Variants in MCM9 observed in about 807,000 individuals in gnomAD.
The protein encoded by MCM9 is DNA helicase MCM9.
In MCM9, 55 loss-of-function variants were observed where a neutral mutation model predicts 72.8. That is an observed-to-expected ratio of 0.76 (90% CI 0.61 to 0.95). MCM9 has a LOEUF of 0.95. Among genes scored for constraint, MCM9 ranks in the 40% least tolerant of loss-of-function variants. The pLI, the probability that MCM9 is intolerant of heterozygous loss-of-function variation, is 0.00. For synonymous variants in MCM9, 480 were observed against 503.4 expected (o/e 0.95, Z 0.62); for missense variants, 1,279 against 1,377.0 (o/e 0.93, Z 1.13).
Position 118,931,707 on chromosome 6 carries a change from A to C in MCM9, c.17T>G (p.Val6Gly). The C allele has an allele frequency of 6.2e-7, 1 of 1,611,584 alleles. No individual in the cohort carries two copies. Among genetic ancestry groups the C allele is most frequent in the Non-Finnish European group, 8.5e-7 (1 of 1,178,148 alleles). Reference sequence around the variant, plus strand: ...CTCAAACACTTGACCAACCAGTGTAACTTGATCGCTATTCATCTTGAATCT... The same window carrying C: ...CTCAAACACTTGACCAACCAGTGTACCTTGATCGCTATTCATCTTGAATCT... The part of the protein sequence containing the change: MNSDQ[V>G]TLVGQVFESY... Residue 6 changes from valine to glycine, a missense_variant, in exon 3 of 14, where the codon GTT becomes GGT. Physicochemically the swap from Val to Gly is moderately radical, Grantham distance 109. Coordinates refer to ENST00000619706, the MANE Select transcript of MCM9 (RefSeq NM_017696.3).
chr6:118,853,576 G>C (rs756153625), intron 9 of MCM9, among the ~76,000 whole-genome samples: 10 of 152,070 alleles, frequency 6.6e-5, no homozygotes, highest in Admixed American at 1.3e-4. Flanking sequence ...GAGGCAAGTG[G>C]AACATTTGAG....
chr6:118,838,579 C>T (rs1468996360), intron 9 of MCM9, among the ~76,000 whole-genome samples: 1 of 152,110 alleles, frequency 6.6e-6, no homozygotes, highest in Non-Finnish European at 1.5e-5. Flanking sequence ...CACCCGCCAC[C>T]ACACCTGGCT....
intron 8 of MCM9, among the ~76,000 whole-genome samples, chr6:118,894,704 G>A (rs1413950340): frequency 6.6e-6 from 1 of 152,244 alleles, no homozygotes; most frequent in African/African-American, 2.4e-5. Context: ...TTCCGCCGCA[G>A]CCCAGGCGCC....
intron 12 of MCM9, 33 bp downstream of exon 12, chr6:118,826,749 A>C (rs565518508): frequency 7.5e-6 from 11 of 1,464,948 alleles, no homozygotes; most frequent in Non-Finnish European, 1.0e-5. Context: ...GTTTGTAATT[A>C]GGATAAAAAT....
In MCM9 at chr6:118,931,679, T is replaced by C. The variant is rs1353052768; in HGVS notation, c.45A>G (p.Ser15=). The C allele has an allele frequency of 6.2e-7, 1 of 1,614,002 alleles. No individual in the cohort carries two copies. The change falls in exon 3 of 14, where the codon TCA becomes TCG. Residue 15 remains serine, a synonymous_variant. Transcript: ENST00000619706. ...QVTLVGQVFE[S]YVSEYHKNDI... ...CATTCTTATGGTATTCCGAAACATATGACTCAAACACTTGACCAACCAGTG... is the reference window on the plus strand; with the variant it reads ...CATTCTTATGGTATTCCGAAACATACGACTCAAACACTTGACCAACCAGTG...
chr6:118,918,397 C>T (rs9481870), intron 5 of MCM9: 10,078 of 152,474 alleles, frequency 0.066, 475 homozygotes, highest in East Asian at 0.19. Flanking sequence ...CCTGCTTGTT[C>T]CTTGCTGATG....
In MCM9 at chr6:118,815,727, A is replaced by G. The variant is rs748974490; in HGVS notation, c.2529T>C (p.His843=). 2.8e-5 allele frequency: 43 copies of G among 1,545,098 alleles called. No homozygotes were observed. The African/African-American group carries it at 3.4e-4, about 12-fold the overall frequency. The change falls in exon 14 of 14, where the codon CAT becomes CAC. Residue 843 remains histidine, a synonymous_variant. Transcript: ENST00000619706. ...ACAGCTTCTGCAGGTTCCTGGGGAC[A>G]TGATGAGTCAGTACTGAGTCTGGTT... ...ADKPDSVLTH[H]VPRNLQKLCK... is the part of the protein sequence containing the mutation.
chr6:118,823,095 C>T (rs1773924125), intron 13 of MCM9, among the ~76,000 whole-genome samples: 1 of 152,084 alleles, frequency 6.6e-6, no homozygotes. Flanking sequence ...TGCCATCAGC[C>T]CCCTTTCCAG....
intron 3 of MCM9, 76 bp downstream of exon 3, chr6:118,931,344 A>C: frequency 8.9e-7 from 1 of 1,119,870 alleles, no homozygotes; most frequent in Non-Finnish European, 1.3e-6. Flanking sequence ...ATTATTTCTT[A>C]GTGTTCTAAA....
At chr6:118,925,407 A>G (rs763967685) in intron 3 of MCM9, among the ~76,000 whole-genome samples, 16 of 152,186 alleles carry the variant, frequency 1.1e-4, no homozygotes, top group Non-Finnish European at 1.9e-4. Flanking sequence ...ATTTTCTCCT[A>G]GTTGATACAT....
chr6:118,827,490 G>A (rs1488619974), intron 11 of MCM9, among the ~76,000 whole-genome samples: 2 of 152,166 alleles, frequency 1.3e-5, no homozygotes, highest in African/African-American at 4.8e-5. Flanking sequence ...TAATGGGGCA[G>A]GGCATGGCAT....
At chr6:118,862,137 G>C (rs1038716426) in intron 8 of MCM9, among the ~76,000 whole-genome samples, 2 of 152,222 alleles carry the variant, frequency 1.3e-5, no homozygotes, top group African/African-American at 4.8e-5. Flanking sequence ...GGAAAGGCCA[G>C]GGAGCAGGAA....
intron 10 of MCM9, 25 bp downstream of exon 10, chr6:118,829,023 G>T: frequency 6.5e-7 from 1 of 1,543,562 alleles, no homozygotes; most frequent in South Asian, 1.2e-5. Flanking sequence ...CTGTTATTTT[G>T]AATGCTTTGT....
At chr6:118,881,224 G>A (rs144693562) in intron 8 of MCM9, among the ~76,000 whole-genome samples, 1,621 of 152,106 alleles carry the variant, frequency 0.011, 32 homozygotes, top group African/African-American at 0.036. Flanking sequence ...CAAGGATTAC[G>A]TATAATTTTA....
intron 9 of MCM9, among the ~76,000 whole-genome samples, chr6:118,842,361 T>C (rs1775433256): frequency 6.6e-6 from 1 of 152,218 alleles, no homozygotes; most frequent in Non-Finnish European, 1.5e-5. Flanking sequence ...AACATTATCT[T>C]TCCCAAATTA....
chr6:118,904,539 G>A (rs926401600), intron 8 of MCM9, among the ~76,000 whole-genome samples: 2 of 152,112 alleles, frequency 1.3e-5, no homozygotes, highest in Non-Finnish European at 2.9e-5. Flanking sequence ...CCTTCCATCC[G>A]GTCGTCTCAT....
chr6:118,911,469 G>A (rs1177558969), intron 8 of MCM9, 181 bp downstream of exon 8: 1 of 1,312,546 alleles, frequency 7.6e-7, no homozygotes, highest in Non-Finnish European at 9.7e-7. Context: ...AGTGAAGGTG[G>A]AGCTTGCAAG....
intron 9 of MCM9, among the ~76,000 whole-genome samples, chr6:118,836,250 C>T (rs1774950674): frequency 6.6e-6 from 1 of 152,156 alleles, no homozygotes; most frequent in Admixed American, 6.5e-5. Context: ...TTCAGTTTGC[C>T]AGTATTTTAT....
intron 8 of MCM9, among the ~76,000 whole-genome samples, chr6:118,880,041 C>G (rs1454078281): frequency 2.1e-5 from 3 of 145,402 alleles, no homozygotes; most frequent in African/African-American, 7.7e-5. Context: ...AACAAACAAA[C>G]AAACAACAAC....
Sources: gnomAD v4.1 joint callset for allele counts (sites outside exome capture counted in the v4.1 genomes callset) on GRCh38, gnomAD v4.1.1 for gene constraint, MANE v1.5 for transcripts, NCBI Gene and HGNC (gene_info 2026-07-23, HGNC 2026-07-21) for gene names.